The following GUCA1B variants were observed in gnomAD, a reference collection of about 807,000 sequenced individuals.
The protein encoded by GUCA1B is guanylate cyclase activator 1B.
Under a neutral mutation model 24.2 loss-of-function variants are expected in GUCA1B, and 22 were observed. That is an observed-to-expected ratio of 0.91 (90% CI 0.65 to 1.30). The LOEUF (loss-of-function observed/expected upper bound fraction) is 1.30. Ranked by LOEUF, GUCA1B falls within the 50% of genes most tolerant of loss-of-function variation. GUCA1B has a pLI of 0.00. For synonymous variants in GUCA1B, 100 were observed against 97.9 expected (o/e 1.02, Z -0.13); for missense variants, 221 against 258.8 (o/e 0.85, Z 1.00).
intron 2 of GUCA1B, 96 bp downstream of exon 2, chr6:42,188,486 T>C: frequency 9.3e-7 from 1 of 1,071,456 alleles, no homozygotes; most frequent in South Asian, 1.3e-5. Context: ...TTTCAAGGCC[T>C]CTTCTTCAGT....
intron 1 of GUCA1B, among the ~76,000 whole-genome samples, chr6:42,190,513 C>T (rs1768287925): frequency 6.6e-6 from 1 of 151,938 alleles, no homozygotes; most frequent in Admixed American, 6.6e-5. Flanking sequence ...AGACACTTAG[C>T]AATGGTTGTC....
At position 42,184,242 on chromosome 6, in the gene GUCA1B, A is replaced by G. The variant is rs887886080; in HGVS notation, c.*573T>C. ...GTAGCTGGGACTACAGGCGCCCGCC[A>G]CCTCACCCGGCTGATTTTTTGTATT... On this transcript the variant is annotated 3_prime_UTR_variant, in exon 4 of 4. Transcript: ENST00000230361. Among the ~76,000 whole-genome samples the G allele has an allele frequency of 6.6e-6, 1 of 151,636 alleles. No individual in the cohort carries two copies. Among genetic ancestry groups the G allele is most frequent in the African/African-American group, 2.4e-5 (1 of 41,248 alleles).
At chr6:42,186,457 G>T (rs776363278) in intron 2 of GUCA1B, among the ~76,000 whole-genome samples, 1 of 152,166 alleles carries the variant, frequency 6.6e-6, no homozygotes, top group Admixed American at 6.5e-5. Context: ...GCTGGGCAAG[G>T]TGGTGGGCGC....
rs781403617 is a variant in GUCA1B at position 42,184,678 on chromosome 6, C to A, written c.*137G>T. 1 of 911,076 alleles carries A rather than the reference C, an allele frequency of 1.1e-6. No individual in the cohort carries two copies. Among genetic ancestry groups the A allele is most frequent in the Non-Finnish European group, 1.8e-6 (1 of 553,900 alleles). The allele number at this position is 911,076 out of a possible 1,614,324, so 56.4% of individuals were successfully genotyped here. A position where few individuals can be genotyped will look rare whatever the true frequency, so the allele number is the denominator to read the frequency against. On this transcript the variant is annotated 3_prime_UTR_variant, in exon 4 of 4. Coordinates refer to ENST00000230361, the MANE Select transcript of GUCA1B (RefSeq NM_002098.6). ...TTCAAACCCAGCAGCCCTTCCCCAT[C>A]CCCACTCAGCCCTGCACAGGGGGTG...
intron 1 of GUCA1B, among the ~76,000 whole-genome samples, chr6:42,190,041 G>T (rs892526364): frequency 6.6e-5 from 10 of 152,270 alleles, no homozygotes; most frequent in Non-Finnish European, 1.2e-4. Flanking sequence ...TGTCCCACTG[G>T]GTCAGGCCAC....
chr6:42,188,798 G>A, intron 1 of GUCA1B, 67 bp from the exon 2 acceptor site: 1 of 1,456,808 alleles, frequency 6.9e-7, no homozygotes, highest in Middle Eastern at 1.8e-4. Flanking sequence ...ATTCATCCCT[G>A]CAAACACAGG....
intron 1 of GUCA1B, among the ~76,000 whole-genome samples, chr6:42,191,010 G>C (rs1364323314): frequency 6.6e-6 from 1 of 152,124 alleles, no homozygotes; most frequent in African/African-American, 2.4e-5. Flanking sequence ...GAAACCCCAG[G>C]ACCATTTCTG....
chr6:42,194,148 C>A (rs1357658192), intron 1 of GUCA1B, among the ~76,000 whole-genome samples: 1 of 152,192 alleles, frequency 6.6e-6, no homozygotes, highest in Non-Finnish European at 1.5e-5. Flanking sequence ...AGGATCTGAC[C>A]AGTCTCAGAA....
chr6:42,188,293 C>CGT (rs151241798), intron 2 of GUCA1B, among the ~76,000 whole-genome samples: 4,697 of 143,584 alleles, frequency 0.033, 80 homozygotes, highest in South Asian at 0.096. Flanking sequence ...AGATACTTGT[C>CGT]GTGTGTGTGT....
chr6:42,184,096 T>G lies in GUCA1B; in HGVS notation c.*719A>C, dbSNP rs1406775802. Among the ~76,000 whole-genome samples the G allele has an allele frequency of 7.3e-6, 1 of 137,372 alleles. No homozygotes were observed. Among genetic ancestry groups the G allele is most frequent in the Non-Finnish European group, 1.6e-5 (1 of 64,236 alleles). 90.1% of individuals were successfully genotyped at this position (137,372 alleles called of 152,430 possible). On this transcript the variant is annotated 3_prime_UTR_variant, in exon 4 of 4. Transcript: ENST00000230361. ...AAACTCCTGCCTTTTCTTTTCTTTCTTTTTTTTTTTTTGAGACGGAGTCTC... is the reference window on the plus strand; with the variant it reads ...AAACTCCTGCCTTTTCTTTTCTTTCGTTTTTTTTTTTTGAGACGGAGTCTC...
chr6:42,193,245 T>A (rs930960700), intron 1 of GUCA1B, among the ~76,000 whole-genome samples: 1 of 152,256 alleles, frequency 6.6e-6, no homozygotes, highest in East Asian at 1.9e-4. Flanking sequence ...TACAACTATA[T>A]GCCTAGGGGC....
rs762404025 is a variant in GUCA1B at position 42,188,705 on chromosome 6, G to A, written c.234C>T (p.Tyr78=). Residue 78 remains tyrosine (Y), a synonymous_variant, in exon 2 of 4, where the codon TAC becomes TAT. Coordinates refer to ENST00000230361, the MANE Select transcript of GUCA1B (RefSeq NM_002098.6). ...TCAGCACGAGATTCAGAGCTGCCAC[G>A]TACTCCAGGAAGTCGATGGTGTTGT... ...NGDNTIDFLE[Y]VAALNLVLRG... is the part of the protein sequence containing the mutation. The A allele has an allele frequency of 1.8e-5, 29 of 1,613,872 alleles. No homozygotes were observed. Among genetic ancestry groups the A allele is most frequent in the South Asian group, 7.7e-5 (7 of 91,046 alleles).
intron 1 of GUCA1B, among the ~76,000 whole-genome samples, chr6:42,193,905 C>A (rs1245637614): frequency 6.6e-6 from 1 of 152,166 alleles, no homozygotes; most frequent in African/African-American, 2.4e-5. Context: ...AACTGGATAA[C>A]CTTAAATAAT....
chr6:42,192,038 C>CAAAAAA (rs35283316), intron 1 of GUCA1B, among the ~76,000 whole-genome samples: 2 of 116,874 alleles, frequency 1.7e-5, no homozygotes, highest in Admixed American at 9.1e-5. Flanking sequence ...TATGATCATA[C>CAAAAAA]AAAAAAAAAA....
At chr6:42,192,863 G>C (rs748848450) in intron 1 of GUCA1B, among the ~76,000 whole-genome samples, 1 of 152,244 alleles carries the variant, frequency 6.6e-6, no homozygotes, top group South Asian at 2.1e-4. Flanking sequence ...CTGGGTGACA[G>C]AGCGAGACTC....
intron 2 of GUCA1B, among the ~76,000 whole-genome samples, chr6:42,186,677 G>T (rs1768198521): frequency 6.6e-6 from 1 of 152,218 alleles, no homozygotes; most frequent in African/African-American, 2.4e-5. Context: ...TCCCAGGCTG[G>T]CGCTCCCTGA....
At chr6:42,191,215 A>G (rs988754916) in intron 1 of GUCA1B, among the ~76,000 whole-genome samples, 10 of 152,224 alleles carry the variant, frequency 6.6e-5, no homozygotes, top group African/African-American at 2.4e-4. Context: ...CCTGACTTCA[A>G]TGCATGTTAT....
intron 2 of GUCA1B, among the ~76,000 whole-genome samples, chr6:42,187,999 C>T (rs1364583459): frequency 6.6e-6 from 1 of 151,722 alleles, no homozygotes; most frequent in African/African-American, 2.4e-5. Flanking sequence ...GCATGTACCT[C>T]CAAGCCTGGC....
At chr6:42,185,900 C>T (rs990132684) in intron 2 of GUCA1B, 103 bp from the exon 3 acceptor site, 5 of 767,954 alleles carry the variant, frequency 6.5e-6, no homozygotes, top group African/African-American at 5.1e-5. Flanking sequence ...GCTGGCTTCC[C>T]AGGCTGTGCG....
Sources: gnomAD v4.1 joint callset for allele counts (sites outside exome capture counted in the v4.1 genomes callset) on GRCh38, gnomAD v4.1.1 for gene constraint, MANE v1.5 for transcripts, NCBI Gene and HGNC (gene_info 2026-07-23, HGNC 2026-07-21) for gene names.